Variants in MLLT3 observed in about 807,000 individuals in gnomAD.
MLLT3 encodes MLLT3 super elongation complex subunit.
MLLT3 carries 4 observed loss-of-function variants against 53.2 expected under a neutral mutation model. That is an observed-to-expected ratio of 0.08 (90% CI 0.04 to 0.17). The LOEUF (loss-of-function observed/expected upper bound fraction) is 0.17. MLLT3 is among the 10% of genes least tolerant of loss of function. MLLT3 has a pLI of 1.00. For synonymous variants in MLLT3, 283 were observed against 230.6 expected, an observed-to-expected ratio of 1.23 and a Z score of -2.06; for missense variants, 569 against 684.0, an observed-to-expected ratio of 0.83 and a Z score of 1.87.
chr9:20,558,726 T>C (rs572106092), intron 2 of MLLT3, among the ~76,000 whole-genome samples: 1 of 152,358 alleles, frequency 6.6e-6, no homozygotes, highest in South Asian at 2.1e-4. Context: ...TGTAGTTTTA[T>C]GACCACTGCC....
intron 2 of MLLT3, among the ~76,000 whole-genome samples, chr9:20,545,960 A>G (rs946757791): frequency 3.3e-5 from 5 of 152,152 alleles, no homozygotes; most frequent in East Asian, 1.9e-4. Flanking sequence ...TCAATGCTGC[A>G]GTGAGCTATG....
Position 20,414,279 on chromosome 9 carries a change from A to C in MLLT3, c.567T>G (p.Ser189Arg). 6.2e-7 allele frequency: 1 copy of C among 1,608,842 alleles called. No individual in the cohort carries two copies. Reference sequence around the variant, plus strand: ...TGTGAGGCTTTGAAAAACTGGTACTACTGCTGCTGCTGCTGCTGCTACTGC... The same window carrying C: ...TGTGAGGCTTTGAAAAACTGGTACTCCTGCTGCTGCTGCTGCTGCTACTGC... ...SSSSSSSSSSSSTSFSKPHKL... is the reference protein window; with the variant it reads ...SSSSSSSSSSRSTSFSKPHKL... Residue 189 changes from serine (S) to arginine (R), a missense_variant, in exon 5 of 11, where the codon AGT becomes AGG. By Grantham distance (110) the Ser-to-Arg change is moderately radical (BLOSUM62 -1). Coordinates refer to ENST00000380338, the MANE Select transcript of MLLT3 (RefSeq NM_004529.4).
intron 5 of MLLT3, among the ~76,000 whole-genome samples, chr9:20,388,436 A>C (rs1822095407): frequency 6.6e-6 from 1 of 152,026 alleles, no homozygotes; most frequent in Non-Finnish European, 1.5e-5. Flanking sequence ...AAAATACCAA[A>C]AATTAGACAG....
At chr9:20,364,801 T>C (rs1327411064) in intron 6 of MLLT3, among the ~76,000 whole-genome samples, 1 of 152,232 alleles carries the variant, frequency 6.6e-6, no homozygotes, top group Non-Finnish European at 1.5e-5. Flanking sequence ...TTCAATACTA[T>C]GCTAAAACAC....
At chr9:20,433,086 C>T (rs891218407) in intron 4 of MLLT3, among the ~76,000 whole-genome samples, 2 of 151,802 alleles carry the variant, frequency 1.3e-5, no homozygotes, top group Non-Finnish European at 2.9e-5. Context: ...GCTCTTATGT[C>T]GGGCCAAGCA....
At chr9:20,524,578 A>T (rs2118985438) in intron 2 of MLLT3, among the ~76,000 whole-genome samples, 1 of 152,302 alleles carries the variant, frequency 6.6e-6, no homozygotes, top group East Asian at 1.9e-4. Flanking sequence ...AGGTGAACTC[A>T]AACTCCTGGG....
At chr9:20,530,110 G>A (rs1172262616) in intron 2 of MLLT3, among the ~76,000 whole-genome samples, 2 of 152,144 alleles carry the variant, frequency 1.3e-5, no homozygotes, top group Non-Finnish European at 2.9e-5. Flanking sequence ...GGGCATAAAT[G>A]TTAATGCTTG....
intron 10 of MLLT3, among the ~76,000 whole-genome samples, chr9:20,351,276 C>G (rs368458142): frequency 3.3e-5 from 5 of 152,340 alleles, no homozygotes; most frequent in African/African-American, 9.6e-5. Flanking sequence ...AATTGCTAAA[C>G]TACTCTCTTA....
chr9:20,618,303 T>G (rs1820889205), intron 2 of MLLT3, among the ~76,000 whole-genome samples: 1 of 152,234 alleles, frequency 6.6e-6, no homozygotes, highest in Admixed American at 6.5e-5. Flanking sequence ...GGCATTCTTA[T>G]TCTATATTTA....
intron 10 of MLLT3, among the ~76,000 whole-genome samples, chr9:20,350,419 C>T (rs1407090215): frequency 2.0e-5 from 3 of 151,796 alleles, no homozygotes; most frequent in South Asian, 2.1e-4. Context: ...AACGGTGAAA[C>T]CCCGTCTCTA....
At chr9:20,543,244 G>A (rs1452058044) in intron 2 of MLLT3, among the ~76,000 whole-genome samples, 1 of 152,184 alleles carries the variant, frequency 6.6e-6, no homozygotes, top group Non-Finnish European at 1.5e-5. Flanking sequence ...CTCACAAGCT[G>A]GCTAACTACT....
In MLLT3 at chr9:20,363,720, A is replaced by G. The variant is rs1587157188; in HGVS notation, c.1202-115T>C. ...AACACTGGTTAAAAATAATCATCAT[A>G]TATATTTATACAATTTACAAGGCAA... On this transcript the variant is annotated intron_variant, in intron 6 of 10. Coordinates refer to ENST00000380338, the MANE Select transcript of MLLT3 (RefSeq NM_004529.4). 7.4e-6 allele frequency: 7 copies of G among 943,210 alleles called. No individual in the cohort carries two copies. The South Asian group carries it at 2.0e-4, about 27-fold the overall frequency. 58.4% of individuals were successfully genotyped at this position (943,210 alleles called of 1,614,324 possible).
chr9:20,401,710 C>T (rs1006254364), intron 5 of MLLT3, among the ~76,000 whole-genome samples: 1 of 152,186 alleles, frequency 6.6e-6, no homozygotes, highest in African/African-American at 2.4e-5. Flanking sequence ...CACCTAATAA[C>T]TGCCATTTAT....
At chr9:20,390,878 G>A (rs530136567) in intron 5 of MLLT3, among the ~76,000 whole-genome samples, 4 of 152,116 alleles carry the variant, frequency 2.6e-5, no homozygotes, top group Admixed American at 6.6e-5. Flanking sequence ...CTCGGGAGGC[G>A]GAAGTGAAAA....
At chr9:20,431,383 T>A (rs1823264346) in intron 4 of MLLT3, among the ~76,000 whole-genome samples, 1 of 152,132 alleles carries the variant, frequency 6.6e-6, no homozygotes, top group Non-Finnish European at 1.5e-5. Context: ...ACCCTAGAGT[T>A]TGGGAACCAC....
At chr9:20,599,511 C>T (rs1339485078) in intron 2 of MLLT3, among the ~76,000 whole-genome samples, 1 of 150,682 alleles carries the variant, frequency 6.6e-6, no homozygotes, top group Non-Finnish European at 1.5e-5. Flanking sequence ...CCCCATTGTC[C>T]ATGGTAAACA....
chr9:20,360,709 A>G (rs1185067846), intron 8 of MLLT3, 33 bp downstream of exon 8: 2 of 1,524,572 alleles, frequency 1.3e-6, no homozygotes, highest in Non-Finnish European at 1.8e-6. Context: ...CTAGCTCTGC[A>G]GAGTCTTGCA....
chr9:20,590,379 T>C (rs917232020), intron 2 of MLLT3, among the ~76,000 whole-genome samples: 9 of 152,320 alleles, frequency 5.9e-5, no homozygotes, highest in Non-Finnish European at 1.5e-5. Flanking sequence ...GTAATCCCTA[T>C]GAATCTCCAC....
intron 4 of MLLT3, among the ~76,000 whole-genome samples, chr9:20,419,540 GA>G (rs956822458): frequency 1.0e-3 from 138 of 137,788 alleles, no homozygotes; most frequent in East Asian, 1.7e-3. Flanking sequence ...AAAAGGGAAA[GA>G]AAAAAAAAAA....
Sources: allele counts gnomAD v4.1 joint callset (sites outside exome capture counted in the v4.1 genomes callset), GRCh38; gene constraint gnomAD v4.1.1; transcripts MANE v1.5; gene names NCBI Gene and HGNC (gene_info 2026-07-23, HGNC 2026-07-21).